The following SYNPR variants were observed in gnomAD, a reference collection of about 807,000 sequenced individuals.
SYNPR encodes synaptoporin.
A neutral mutation model predicts 32.9 loss-of-function variants in SYNPR; 23 were observed. That is an observed-to-expected ratio of 0.70 (90% confidence interval 0.50 to 0.99). The LOEUF (loss-of-function observed/expected upper bound fraction) is 0.99, where lower values mean the gene tolerates loss of function less well. SYNPR is among the 50% of genes least tolerant of loss of function. SYNPR has a pLI of 0.00. For synonymous variants in SYNPR, 146 were observed against 135.9 expected, an observed-to-expected ratio of 1.07 and a Z score of -0.52; for missense variants, 318 against 349.3, an observed-to-expected ratio of 0.91 and a Z score of 0.71.
chr3:63,529,543 G>C lies in SYNPR; in HGVS notation c.210-27000G>C, dbSNP rs1341166634. Among the ~76,000 whole-genome samples, 4 of 152,164 alleles carry C rather than the reference G, an allele frequency of 2.6e-5. No individual in the cohort carries two copies. The East Asian group carries it at 7.7e-4, about 29-fold the overall frequency. Reference sequence around the variant, plus strand: ...GTGCTCCATACCACAGAAGCTAAATGATCCTAGAATGTGACAGTTGAACCT... The same window carrying C: ...GTGCTCCATACCACAGAAGCTAAATCATCCTAGAATGTGACAGTTGAACCT... On this transcript the variant is annotated intron_variant, in intron 3 of 5. Transcript: ENST00000478300.
At chr3:63,439,553 A>C (rs1700133911) in intron 2 of SYNPR, among the ~76,000 whole-genome samples, 1 of 152,220 alleles carries the variant, frequency 6.6e-6, no homozygotes, top group African/African-American at 2.4e-5. Context: ...GCAAGTATCA[A>C]AAAATCAGCT....
At chr3:63,282,683 AG>A (rs754941949) in intron 2 of SYNPR, among the ~76,000 whole-genome samples, 478 of 85,616 alleles carry the variant, frequency 5.6e-3, no homozygotes, top group African/African-American at 0.017. Context: ...ACACTGTCTC[AG>A]AAAAAAAAAA....
At chr3:63,286,118 T>C (rs1458645533) in intron 2 of SYNPR, among the ~76,000 whole-genome samples, 1 of 152,198 alleles carries the variant, frequency 6.6e-6, no homozygotes, top group Non-Finnish European at 1.5e-5. Context: ...TATATTCCAC[T>C]GTGGAGGGCC....
chr3:63,570,450 C>T (rs1021008009), intron 4 of SYNPR, among the ~76,000 whole-genome samples: 3 of 152,176 alleles, frequency 2.0e-5, no homozygotes, highest in African/African-American at 4.8e-5. Flanking sequence ...CCGTCATCCC[C>T]GGTATTCCAT....
At chr3:63,363,013 G>A (rs2087681725) in intron 2 of SYNPR, among the ~76,000 whole-genome samples, 1 of 152,190 alleles carries the variant, frequency 6.6e-6, no homozygotes, top group Admixed American at 6.5e-5. Flanking sequence ...ACTGTAGTAA[G>A]TAGAATGTCT....
At chr3:63,229,153 A>C (rs1041346009) in intron 1 of SYNPR, among the ~76,000 whole-genome samples, 19 of 152,154 alleles carry the variant, frequency 1.2e-4, no homozygotes, top group Non-Finnish European at 2.1e-4. Context: ...TTGGGCAAAA[A>C]ACTTGACTTC....
chr3:63,308,854 G>C (rs1261369626), intron 2 of SYNPR, among the ~76,000 whole-genome samples: 1 of 151,654 alleles, frequency 6.6e-6, no homozygotes, highest in Non-Finnish European at 1.5e-5. Context: ...TAGAATTATA[G>C]TTTTATAATT....
chr3:63,416,333 C>T (rs2088538193), intron 2 of SYNPR, among the ~76,000 whole-genome samples: 1 of 151,986 alleles, frequency 6.6e-6, no homozygotes, highest in South Asian at 2.1e-4. Context: ...GAGCTTGAGA[C>T]TAGGTTGGGC....
intron 2 of SYNPR, among the ~76,000 whole-genome samples, chr3:63,283,810 CTTT>C (rs142282438): frequency 1.1e-3 from 93 of 87,150 alleles, no homozygotes; most frequent in Non-Finnish European, 1.8e-3. Flanking sequence ...AGATAATTAC[CTTT>C]TTTTTTTTTT....
At chr3:63,258,656 A>G (rs1031113735) in intron 2 of SYNPR, among the ~76,000 whole-genome samples, 5 of 152,204 alleles carry the variant, frequency 3.3e-5, no homozygotes, top group Admixed American at 1.3e-4. Flanking sequence ...ATCACAATTA[A>G]AAGAACTAGA....
intron 2 of SYNPR, among the ~76,000 whole-genome samples, chr3:63,452,559 T>C (rs1291645416): frequency 1.3e-5 from 2 of 152,172 alleles, no homozygotes; most frequent in East Asian, 1.9e-4. Flanking sequence ...AGAGTTTGCA[T>C]AGATGACATT....
At chr3:63,303,279 T>C (rs557797358) in intron 2 of SYNPR, among the ~76,000 whole-genome samples, 126 of 152,050 alleles carry the variant, frequency 8.3e-4, no homozygotes, top group Non-Finnish European at 1.6e-3. Context: ...AATGTTTCTT[T>C]CAAGCAGGGT....
intron 4 of SYNPR, among the ~76,000 whole-genome samples, chr3:63,595,931 A>G (rs1372566578): frequency 9.8e-6 from 1 of 102,540 alleles, no homozygotes; most frequent in Admixed American, 1.1e-4. Context: ...TTATATATAT[A>G]TAGTTTTATA....
At chr3:63,510,745 T>G (rs1197569146) in intron 3 of SYNPR, among the ~76,000 whole-genome samples, 2 of 152,142 alleles carry the variant, frequency 1.3e-5, no homozygotes, top group African/African-American at 4.8e-5. Context: ...TTTTGTGTGT[T>G]TTTTAAACCT....
intron 2 of SYNPR, among the ~76,000 whole-genome samples, chr3:63,293,246 T>A (rs1575588781): frequency 1.3e-5 from 2 of 152,226 alleles, no homozygotes; most frequent in East Asian, 3.8e-4. Flanking sequence ...TCAAATCATA[T>A]CTATCTGACT....
intron 2 of SYNPR, among the ~76,000 whole-genome samples, chr3:63,380,399 A>T (rs1321133215): frequency 1.3e-5 from 2 of 152,190 alleles, no homozygotes; most frequent in African/African-American, 4.8e-5. Flanking sequence ...GTGAGATGGT[A>T]TCTCACTGTG....
At chr3:63,577,144 C>T (rs1702999292) in intron 4 of SYNPR, among the ~76,000 whole-genome samples, 1 of 152,224 alleles carries the variant, frequency 6.6e-6, no homozygotes, top group South Asian at 2.1e-4. Context: ...ATACAATTCT[C>T]AGACTCAGTT....
At chr3:63,562,543 C>T (rs1702708281) in intron 4 of SYNPR, among the ~76,000 whole-genome samples, 1 of 152,180 alleles carries the variant, frequency 6.6e-6, no homozygotes, top group Non-Finnish European at 1.5e-5. Context: ...TTACTGATGG[C>T]AGGCAAACAG....
rs149006748 is a variant in SYNPR at position 63,305,964 on chromosome 3, C to T, written c.84+27222C>T. ...ATGCCAGTCTCTGCAACAGAAATGC[C>T]CCATCCACCACAATCTCTGCATTTT... On this transcript the variant is annotated intron_variant, in intron 2 of 5. Transcript: ENST00000478300. 1.6e-4 allele frequency among the ~76,000 whole-genome samples: 25 copies of T among 152,036 alleles called. No homozygotes were observed. The East Asian group carries it at 2.9e-3, about 18-fold the overall frequency.
Sources: gnomAD v4.1 joint callset for allele counts (sites outside exome capture counted in the v4.1 genomes callset) on GRCh38, gnomAD v4.1.1 for gene constraint, MANE v1.5 for transcripts, NCBI Gene and HGNC (gene_info 2026-07-23, HGNC 2026-07-21) for gene names.